The following PDCD6 variants were observed in gnomAD, a reference collection of about 807,000 sequenced individuals.
PDCD6 encodes programmed cell death protein 6.
PDCD6 carries 12 observed loss-of-function variants against 28.3 expected under a neutral mutation model. The observed-to-expected ratio is 0.42, with a 90% CI of 0.27 to 0.69. The LOEUF is 0.69. Among genes scored for constraint, PDCD6 ranks in the 30% least tolerant of loss-of-function variants. The pLI is 0.22. For missense variants in PDCD6, 226 were observed against 269.9 expected (o/e 0.84, Z 1.14); for synonymous variants, 92 against 108.0 (o/e 0.85, Z 0.92).
In PDCD6 at chr5:307,042, T is replaced by C. The variant is rs1740544296; in HGVS notation, c.367+282T>C. ...CGTGAGCAAAACTGAGAATGTGGCT[T>C]TTGAAATCATTTAAAAGTGGATCCA... is the stretch of plus-strand genomic sequence containing the variant. On this transcript the variant is annotated intron_variant, in intron 4 of 5. Transcript: ENST00000264933. The surrounding 1 kb of genome is among the most constrained non-coding windows in gnomAD (Gnocchi z 6.1). 6.6e-6 allele frequency among the ~76,000 whole-genome samples: 1 copy of C among 152,192 alleles called. No homozygotes were observed. Among genetic ancestry groups the C allele is most frequent in the South Asian group, 2.1e-4 (1 of 4,828 alleles).
rs1249535252 is a variant in PDCD6, at chr5:288,585, C to T, written c.164-15592C>T. ...TAAAAAAAAAAAATCTATACACAAA[C>T]CACTGATTTGCCCAGACCAAAAGAA... On this transcript the variant is annotated intron_variant, in intron 2 of 5. Coordinates refer to ENST00000264933, the MANE Select transcript of PDCD6 (RefSeq NM_013232.4). Among the ~76,000 whole-genome samples, 6 of 147,848 alleles carry T rather than the reference C, an allele frequency of 4.1e-5. No homozygotes were observed. The East Asian group carries it at 1.2e-3, about 29-fold the overall frequency.
intron 2 of PDCD6, chr5:290,339 C>T (rs2126719582): frequency 1.7e-6 from 2 of 1,192,124 alleles, no homozygotes; most frequent in Non-Finnish European, 2.5e-6. Context: ...TGGAGTCCCT[C>T]ACAGCCTCCG....
intron 2 of PDCD6, among the ~76,000 whole-genome samples, chr5:280,600 G>C (rs949341442): frequency 1.4e-5 from 2 of 147,316 alleles, no homozygotes; most frequent in Non-Finnish European, 3.0e-5. Context: ...AGGCACCAGA[G>C]TGGAGACCAC....
chr5:295,771 G>A (rs1186168232), intron 2 of PDCD6, among the ~76,000 whole-genome samples: 2 of 147,156 alleles, frequency 1.4e-5, no homozygotes, highest in Non-Finnish European at 3.0e-5. Context: ...TCCAGATCCC[G>A]CTGCTCTCCA....
intron 2 of PDCD6, among the ~76,000 whole-genome samples, chr5:277,299 GTATTTTTT>G (rs1738259779): frequency 1.0e-5 from 1 of 99,822 alleles, no homozygotes; most frequent in Non-Finnish European, 2.1e-5. Flanking sequence ...CTAATTTTTT[GTATTTTTT>G]TTTTTTTTTT....
chr5:302,107 T>TGTGTGTGTGTGTGTGTGTGTGC lies in PDCD6; in HGVS notation c.164-2069_164-2068insTGTGTGTGTGTGTGTGTGTGCG, dbSNP rs113802406. Among the ~76,000 whole-genome samples the TGTGTGTGTGTGTGTGTGTGTGC allele has an allele frequency of 7.2e-5, 8 of 111,682 alleles. 1 individual carries two copies. The highest frequency in any genetic ancestry group is 5.9e-4 in the South Asian group (2 of 3,402). 73.3% of individuals were successfully genotyped at this position (111,682 alleles called of 152,430 possible). ...GTGTGTGTGTGTGTGTGTGTGTGTG[T>TGTGTGTGTGTGTGTGTGTGTGC]GCCTTGGGTTCAGGTGCACCTGCCT... On this transcript the variant is annotated intron_variant, in intron 2 of 5. Transcript: ENST00000264933.
intron 2 of PDCD6, among the ~76,000 whole-genome samples, chr5:273,623 G>T (rs1737985272): frequency 6.6e-6 from 1 of 152,214 alleles, no homozygotes; most frequent in African/African-American, 2.4e-5. Context: ...AGTATCTGAA[G>T]TTGCCAGAGA....
At chr5:297,536 T>C (rs1342556387) in intron 2 of PDCD6, among the ~76,000 whole-genome samples, 1 of 152,234 alleles carries the variant, frequency 6.6e-6, no homozygotes, top group African/African-American at 2.4e-5. Context: ...ATTTCATGTG[T>C]GCACTTTGGT....
Position 304,080 on chromosome 5 carries a change from C to T in PDCD6, c.164-97C>T, listed in dbSNP as rs1209029570. On this transcript the variant is annotated intron_variant, in intron 2 of 5. Coordinates refer to ENST00000264933, the MANE Select transcript of PDCD6 (RefSeq NM_013232.4). The stretch of plus-strand genomic sequence containing the variant: ...CTAGAAAACCACTACCTTAGAGCCC[C>T]CACTGCTTTTCCTGGTGCCTCCAGG... 34 of 1,498,026 alleles carry T rather than the reference C, an allele frequency of 2.3e-5. 3 individuals carry two copies. The highest frequency in any genetic ancestry group is 1.6e-4 in the Admixed American group (9 of 56,848). The allele number at this position is 1,498,026 out of a possible 1,614,324, so 92.8% of individuals were successfully genotyped here. A position where few individuals can be genotyped will look rare whatever the true frequency, so the allele number is the denominator to read the frequency against.
chr5:284,708 G>A (rs1182387344), intron 2 of PDCD6, among the ~76,000 whole-genome samples: 4 of 151,418 alleles, frequency 2.6e-5, no homozygotes, highest in Non-Finnish European at 5.9e-5. Context: ...GACCCAGGAG[G>A]GAGCTGATGT....
At chr5:302,068 C>CTGTGTGTGTGTGTGTG (rs1491538086) in intron 2 of PDCD6, among the ~76,000 whole-genome samples, 1 of 63,374 alleles carries the variant, frequency 1.6e-5, no homozygotes, top group African/African-American at 4.9e-5. Flanking sequence ...TTGAGTGCTG[C>CTGTGTGTGTGTGTGTG]TCTGTGTGTG....
In PDCD6 at chr5:288,750, C is replaced by T. The variant is rs568412393; in HGVS notation, c.164-15427C>T. On this transcript the variant is annotated intron_variant, in intron 2 of 5. Transcript: ENST00000264933. ...AACCTGCTTTTCTTGTAAAACTAAA[C>T]GTGGACTTTTTTACATAAAAGTTTT... 546 of 588,696 alleles carry T rather than the reference C, an allele frequency of 9.3e-4. 1 individual carries two copies. Among genetic ancestry groups the T allele is most frequent in the Non-Finnish European group, 1.2e-3 (438 of 366,368 alleles). The allele number at this position is 588,696 out of a possible 1,614,324, so 36.5% of individuals were successfully genotyped here.
At chr5:298,074 G>C (rs1739732950) in intron 2 of PDCD6, among the ~76,000 whole-genome samples, 2 of 152,176 alleles carry the variant, frequency 1.3e-5, no homozygotes, top group African/African-American at 4.8e-5. Flanking sequence ...GTCCAGCTCT[G>C]CTATCGATAT....
chr5:275,529 C>T (rs1198109536), intron 2 of PDCD6, among the ~76,000 whole-genome samples: 1 of 152,252 alleles, frequency 6.6e-6, no homozygotes, highest in African/African-American at 2.4e-5. Context: ...AGGTTGGTGG[C>T]TCACCAGTAA....
rs185375113 is a variant in PDCD6 at position 276,353 on chromosome 5, A to G, written c.163+3581A>G. 1,240 of 1,060,356 alleles carry G rather than the reference A, an allele frequency of 1.2e-3. 4 individuals are homozygous for G. The Middle Eastern group carries it at 0.017, about 14-fold the overall frequency. 65.7% of individuals were successfully genotyped at this position (1,060,356 alleles called of 1,614,324 possible). ...CACGTTTTCATAGTTCCCTCTCACT[A>G]CTAGGTTGTGAGCTGCGTGAAGGAA... On this transcript the variant is annotated intron_variant, in intron 2 of 5. Transcript: ENST00000264933.
At position 311,372 on chromosome 5, in the gene PDCD6, C is replaced by G; in HGVS notation, c.447C>G (p.Asp149Glu). 1 of 1,613,834 alleles carries G rather than the reference C, an allele frequency of 6.2e-7. No individual in the cohort carries two copies. Among genetic ancestry groups the G allele is most frequent in the Non-Finnish European group, 8.5e-7 (1 of 1,179,770 alleles). Residue 149 changes from aspartate (D) to glutamate (E), a missense_variant, in exon 5 of 6, where the codon GAC (aspartate) becomes GAG (glutamate). By Grantham distance (45) the Asp-to-Glu change is conservative. Around this residue, in one of 3 missense-constraint regions of PDCD6, gnomAD observed 151 missense variants for 177.2 expected, o/e 0.85. Coordinates refer to ENST00000264933, the MANE Select transcript of PDCD6 (RefSeq NM_013232.4). ...DRQGRGQIAFDDFIQGCIVLQ... is the reference protein window; with the variant it reads ...DRQGRGQIAFEDFIQGCIVLQ... The stretch of plus-strand genomic sequence containing the variant: ...AGGGACGGGGGCAGATTGCCTTCGA[C>G]GACTTCATCCAGGGCTGCATCGTCC...
At chr5:272,030 C>T (rs1346878255) in intron 1 of PDCD6, among the ~76,000 whole-genome samples, 3 of 151,790 alleles carry the variant, frequency 2.0e-5, no homozygotes, top group Non-Finnish European at 2.9e-5. Flanking sequence ...CCTGGCGGGT[C>T]CCCCGCGGTC....
At chr5:310,092 G>A (rs1579554152) in intron 4 of PDCD6, 2 of 225,104 alleles carry the variant, frequency 8.9e-6, no homozygotes, top group South Asian at 4.6e-5. Flanking sequence ...CCTGTCCCAG[G>A]CTCTGTTCTC....
At position 302,381 on chromosome 5, in the gene PDCD6, C is replaced by T. The variant is rs573657943; in HGVS notation, c.164-1796C>T. Among the ~76,000 whole-genome samples the T allele has an allele frequency of 1.8e-3, 222 of 124,574 alleles. 5 individuals are homozygous for T. The highest frequency in any genetic ancestry group is 8.0e-3 in the African/African-American group (200 of 24,898). 81.7% of individuals were successfully genotyped at this position (124,574 alleles called of 152,430 possible). A position where few individuals can be genotyped will look rare whatever the true frequency, so the allele number is the denominator to read the frequency against. On this transcript the variant is annotated intron_variant, in intron 2 of 5. Transcript: ENST00000264933. ...CCTGCATAACTGCTGGAGGGTGGGT[C>T]GTGGAGTGCTGCTCTGTGTGTATGC... is the stretch of plus-strand genomic sequence containing the variant.
Sources: gnomAD v4.1 joint callset for allele counts (sites outside exome capture counted in the v4.1 genomes callset) on GRCh38, gnomAD v4.1.1 for gene constraint, gnomAD v4.1.1 regional missense constraint, Gnocchi (gnomAD v3.1) non-coding constraint, MANE v1.5 for transcripts, NCBI Gene and HGNC (gene_info 2026-07-23, HGNC 2026-07-21) for gene names.